GAMT: variants seen among roughly 807,000 people sequenced by gnomAD.
The protein encoded by GAMT is epididymis secretory protein Li 20.
In GAMT, 26 loss-of-function variants were observed where a neutral mutation model predicts 26.9. That is an observed-to-expected ratio of 0.97 (90% CI 0.71 to 1.34). GAMT has a LOEUF of 1.34. GAMT is among the 40% of genes most tolerant of loss of function. The pLI, the probability that GAMT is intolerant of heterozygous loss-of-function variation, is 0.00. For missense variants in GAMT, 412 were observed against 345.0 expected, an observed-to-expected ratio of 1.19 and a Z score of -1.54; for synonymous variants, 169 against 149.6, an observed-to-expected ratio of 1.13 and a Z score of -0.95.
chr19:1,401,250 G>A, intron 1 of GAMT, 46 bp downstream of exon 1: 1 of 1,360,780 alleles, frequency 7.3e-7, no homozygotes, highest in Non-Finnish European at 9.5e-7. Flanking sequence ...CCCGGCCTCA[G>A]TTTCCCCTGC....
Position 1,399,299 on chromosome 19 carries a change from CGTG to C in GAMT, c.392-107_392-105del. On this transcript the variant is annotated intron_variant, in intron 3 of 5. Transcript: ENST00000252288. The surrounding 1 kb of genome is among the most constrained non-coding windows in gnomAD (Gnocchi z 6.2). The stretch of plus-strand genomic sequence containing the variant: ...GGGTGGAGGTGCAGTGAGACGGGGC[CGTG>C]GGTAGAGGTGGGGCTCCCACACAGG... 1 of 1,343,250 alleles carries C rather than the reference CGTG, an allele frequency of 7.4e-7. No individual in the cohort carries two copies. Among genetic ancestry groups the C allele is most frequent in the Non-Finnish European group, 1.1e-6 (1 of 938,992 alleles). The allele number at this position is 1,343,250 out of a possible 1,614,324, so 83.2% of individuals were successfully genotyped here.
chr19:1,399,707 G>A lies in GAMT; in HGVS notation c.327+86C>T. On this transcript the variant is annotated intron_variant, in intron 2 of 5. Coordinates refer to ENST00000252288, the MANE Select transcript of GAMT (RefSeq NM_000156.6). This position sits in a 1 kb window ranked among gnomAD's most constrained non-coding sequence, Gnocchi z 6.2. ...AGAGAAGACCACCTCCTCCACCTCT[G>A]ACAGCCCCAGGCCCCCAACCCCCAG... 1 of 1,527,480 alleles carries A rather than the reference G, an allele frequency of 6.5e-7. No homozygotes were observed. The highest frequency in any genetic ancestry group is 8.8e-7 in the Non-Finnish European group (1 of 1,136,426). 94.6% of individuals were successfully genotyped at this position (1,527,480 alleles called of 1,614,324 possible). A position where few individuals can be genotyped will look rare whatever the true frequency, so the allele number is the denominator to read the frequency against.
intron 1 of GAMT, among the ~76,000 whole-genome samples, chr19:1,400,853 G>C (rs183548877): frequency 6.6e-6 from 1 of 152,184 alleles, no homozygotes; most frequent in African/African-American, 2.4e-5. Context: ...GGGCCACCCC[G>C]GGGACAGCTG....
intron 1 of GAMT, among the ~76,000 whole-genome samples, chr19:1,400,998 G>A (rs1269262767): frequency 1.3e-5 from 2 of 152,206 alleles, no homozygotes; most frequent in Admixed American, 6.5e-5. Flanking sequence ...TGGGGACCCG[G>A]TTCCACCCAG....
At chr19:1,398,618 T>G in intron 5 of GAMT, 1 of 876,336 alleles carries the variant, frequency 1.1e-6, no homozygotes, top group Non-Finnish European at 1.7e-6. Context: ...TGTATTTTTT[T>G]TTTTTAGGAA....
chr19:1,401,330 A>G lies in GAMT; in HGVS notation c.147T>C (p.Tyr49=), dbSNP rs2144641018. Residue 49 remains tyrosine (Y), a synonymous_variant, in exon 1 of 6, where the codon TAT becomes TAC. Transcript: ENST00000252288. The part of the protein sequence containing the change: ...KPVMERWETP[Y]MHALAAAASS... ...AGGCGGCGGCGGCCAGCGCGTGCAT[A>G]TAGGGGGTCTCCCAGCGCTCCATCA... 1 of 1,532,434 alleles carries G rather than the reference A, an allele frequency of 6.5e-7. No individual in the cohort carries two copies. The highest frequency in any genetic ancestry group is 8.7e-7 in the Non-Finnish European group (1 of 1,147,822). The allele number at this position is 1,532,434 out of a possible 1,614,324, so 94.9% of individuals were successfully genotyped here. A position where few individuals can be genotyped will look rare whatever the true frequency, so the allele number is the denominator to read the frequency against.
At chr19:1,400,454 A>G (rs1041707759) in intron 1 of GAMT, among the ~76,000 whole-genome samples, 6 of 152,116 alleles carry the variant, frequency 3.9e-5, no homozygotes, top group Admixed American at 3.3e-4. Context: ...GGCCAGAGAG[A>G]GGATGACCAG....
chr19:1,400,439 C>T (rs909592290), intron 1 of GAMT, among the ~76,000 whole-genome samples: 4 of 152,166 alleles, frequency 2.6e-5, no homozygotes, highest in African/African-American at 9.7e-5. Context: ...TGGGCCCTGG[C>T]CAGCGGCCAG....
At chr19:1,398,357 C>G (rs570759184) in intron 5 of GAMT, 8 of 223,578 alleles carry the variant, frequency 3.6e-5, no homozygotes, top group Middle Eastern at 1.6e-3. Context: ...CTTGGCCTTC[C>G]GAAGTGCCGG....
In GAMT at chr19:1,399,013, C is replaced by T. The variant is rs750195151; in HGVS notation, c.473G>A (p.Arg158His). 3.1e-5 allele frequency: 50 copies of T among 1,613,328 alleles called. No homozygotes were observed. The highest frequency in any genetic ancestry group is 3.7e-5 in the Non-Finnish European group (44 of 1,179,998). Reference sequence around the variant, plus strand: ...GAGGACGCCCCCCGGCTTCAGCAGGCGAAAGGCGTGGTTCTGTGGAAGGGG... The same window carrying T: ...GAGGACGCCCCCCGGCTTCAGCAGGTGAAAGGCGTGGTTCTGTGGAAGGGG... The part of the protein sequence containing the change: ...QFNFIKNHAF[R>H]LLKPGGVLTY... The change falls in exon 5 of 6, where the codon CGC becomes CAC. Residue 158 changes from arginine to histidine, a missense_variant. Coordinates refer to ENST00000252288, the MANE Select transcript of GAMT (RefSeq NM_000156.6). This position sits in a 1 kb window ranked among gnomAD's most constrained non-coding sequence, Gnocchi z 6.2.
chr19:1,397,240 G>C lies in GAMT; in HGVS notation c.*119C>G, dbSNP rs2082604939. ...GGCTGGTGGGACCCCTCACAGAGAAGCCGGGAAAGCTTCTGGTGACACACA... is the reference window on the plus strand; with the variant it reads ...GGCTGGTGGGACCCCTCACAGAGAACCCGGGAAAGCTTCTGGTGACACACA... On this transcript the variant is annotated 3_prime_UTR_variant, in exon 6 of 6. Transcript: ENST00000252288. 2.4e-6 allele frequency: 3 copies of C among 1,255,430 alleles called. No individual in the cohort carries two copies. Among genetic ancestry groups the C allele is most frequent in the African/African-American group, 3.0e-5 (2 of 67,660 alleles). 77.8% of individuals were successfully genotyped at this position (1,255,430 alleles called of 1,614,324 possible). A position where few individuals can be genotyped will look rare whatever the true frequency, so the allele number is the denominator to read the frequency against.
Position 1,397,351 on chromosome 19 carries a change from G to T in GAMT, c.*8C>A, listed in dbSNP as rs1457809990. The T allele has an allele frequency of 1.2e-6, 2 of 1,608,832 alleles. No homozygotes were observed. The highest frequency in any genetic ancestry group is 8.5e-7 in the Non-Finnish European group (1 of 1,178,746). On this transcript the variant is annotated 3_prime_UTR_variant, in exon 6 of 6. Transcript: ENST00000252288. ...AGGGCATGGGTGTGGCCGGGCCGGG[G>T]TGGGGGCTCAGCCTTTGGTCACCAG...
Position 1,397,291 on chromosome 19 carries a change from G to A in GAMT, c.*68C>T, listed in dbSNP as rs1012243320. 8.5e-6 allele frequency: 13 copies of A among 1,531,352 alleles called. No individual in the cohort carries two copies. The East Asian group carries it at 1.4e-4, about 17-fold the overall frequency. The allele number at this position is 1,531,352 out of a possible 1,614,324, so 94.9% of individuals were successfully genotyped here. ...GCTGGGATCAGCCCAGGGCTGGTGCGACACCCTGGACTCCCGGCCAGGAAG... is the reference window on the plus strand; with the variant it reads ...GCTGGGATCAGCCCAGGGCTGGTGCAACACCCTGGACTCCCGGCCAGGAAG... On this transcript the variant is annotated 3_prime_UTR_variant, in exon 6 of 6. Coordinates refer to ENST00000252288, the MANE Select transcript of GAMT (RefSeq NM_000156.6).
In GAMT at chr19:1,398,905, G is replaced by A. The variant is rs200762652; in HGVS notation, c.570+11C>T. On this transcript the variant is annotated intron_variant, in intron 5 of 5. Coordinates refer to ENST00000252288, the MANE Select transcript of GAMT (RefSeq NM_000156.6). The stretch of plus-strand genomic sequence containing the variant: ...TCCTGGAGACCCATGGGGAACTTCA[G>A]GTGGGCGCACCTCAAACATGATGGT... The A allele has an allele frequency of 3.1e-6, 5 of 1,613,292 alleles. No homozygotes were observed. In the East Asian group the frequency reaches 1.1e-4, roughly 36 times the overall value.
chr19:1,399,888 C>T lies in GAMT; in HGVS notation c.232G>A (p.Val78Met), dbSNP rs141358977. ...GFGMAIAASK[V>M]QEAPIDEHWI... Reference sequence around the variant, plus strand: ...TGCTCATCAATGGGCGCCTCCTGCACCTTTGACGCTGCGATGGCCATGCCA... The same window carrying T: ...TGCTCATCAATGGGCGCCTCCTGCATCTTTGACGCTGCGATGGCCATGCCA... The change falls in exon 2 of 6, where the codon GTG (valine) becomes ATG (methionine). Residue 78 changes from valine to methionine, a missense_variant. Val to Met is a conservative substitution (Grantham distance 21, BLOSUM62 1). Transcript: ENST00000252288. This position sits in a 1 kb window ranked among gnomAD's most constrained non-coding sequence, Gnocchi z 6.2. 1.9e-6 allele frequency: 3 copies of T among 1,608,428 alleles called. No homozygotes were observed. Among genetic ancestry groups the T allele is most frequent in the African/African-American group, 1.3e-5 (1 of 75,002 alleles).
intron 5 of GAMT, 23 bp downstream of exon 5, chr19:1,398,893 T>C (rs1160914526): frequency 1.2e-6 from 2 of 1,612,984 alleles, no homozygotes; most frequent in Non-Finnish European, 8.5e-7. Context: ...TGGAGACCCA[T>C]GGGGAACTTC....
intron 1 of GAMT, among the ~76,000 whole-genome samples, chr19:1,400,447 CAG>C (rs2082627500): frequency 6.6e-6 from 1 of 152,180 alleles, no homozygotes; most frequent in African/African-American, 2.4e-5. Context: ...GGCCAGCGGC[CAG>C]AGAGAGGATG....
rs1356909278 is a variant in GAMT, at chr19:1,400,083, G to C, written c.182-145C>G. The C allele has an allele frequency of 4.2e-6, 4 of 951,378 alleles. No individual in the cohort carries two copies. The African/African-American group carries it at 6.7e-5, about 16-fold the overall frequency. The allele number at this position is 951,378 out of a possible 1,614,324, so 58.9% of individuals were successfully genotyped here. A position where few individuals can be genotyped will look rare whatever the true frequency, so the allele number is the denominator to read the frequency against. ...GGGCTGGGGGTCTGCCTGGAGGGGGGCGTGCAGAGCAGGGCTGGAGAGGCT... is the reference window on the plus strand; with the variant it reads ...GGGCTGGGGGTCTGCCTGGAGGGGGCCGTGCAGAGCAGGGCTGGAGAGGCT... On this transcript the variant is annotated intron_variant, in intron 1 of 5. Coordinates refer to ENST00000252288, the MANE Select transcript of GAMT (RefSeq NM_000156.6).
rs778617097 is a variant in GAMT at position 1,399,545 on chromosome 19, G to A, written c.370C>T (p.Leu124=). 6.2e-7 allele frequency: 1 copy of A among 1,613,214 alleles called. No homozygotes were observed. The highest frequency in any genetic ancestry group is 1.3e-5 in the African/African-American group (1 of 75,026). ...TCACCATCAAAGTGACCGTCAGGCA[G>A]GGTGGGTGCCACATCCTCCCACAGG... ...KGLWEDVAPT[L]PDGHFDGILY... The change falls in exon 3 of 6, where the codon CTG becomes TTG. Residue 124 remains leucine, a synonymous_variant. Coordinates refer to ENST00000252288, the MANE Select transcript of GAMT (RefSeq NM_000156.6). This position sits in a 1 kb window ranked among gnomAD's most constrained non-coding sequence, Gnocchi z 6.2.
Sources: gnomAD v4.1 joint callset for allele counts (sites outside exome capture counted in the v4.1 genomes callset) on GRCh38, gnomAD v4.1.1 for gene constraint, Gnocchi (gnomAD v3.1) non-coding constraint, MANE v1.5 for transcripts, NCBI Gene and HGNC (gene_info 2026-07-23, HGNC 2026-07-21) for gene names.